KIF18A: variants seen among roughly 807,000 people sequenced by gnomAD.
KIF18A encodes the protein kinesin family member 18A.
In KIF18A, 67 loss-of-function variants were observed where a neutral mutation model predicts 103.3. That is an observed-to-expected ratio of 0.65 (90% CI 0.53 to 0.79). The LOEUF is 0.79. Ranked by LOEUF, KIF18A falls within the 30% of genes least tolerant of loss-of-function variation. The probability of loss-of-function intolerance (pLI) is 0.00; values close to 1 mark genes in which losing one functional copy is unlikely to be tolerated. For missense variants in KIF18A, 1,032 were observed against 1,062.5 expected (o/e 0.97, Z 0.40); for synonymous variants, 367 against 355.5 (o/e 1.03, Z -0.36).
At chr11:28,086,821 G>C (rs1851234631) in intron 6 of KIF18A, among the ~76,000 whole-genome samples, 1 of 152,040 alleles carries the variant, frequency 6.6e-6, no homozygotes, top group Non-Finnish European at 1.5e-5. Flanking sequence ...AAAAATTATA[G>C]ATTAGTTCAT....
chr11:28,059,104 G>T lies in KIF18A; in HGVS notation c.1770C>A (p.Ala590=), dbSNP rs370276338. 1 of 1,613,922 alleles carries T rather than the reference G, an allele frequency of 6.2e-7. No individual in the cohort carries two copies. The highest frequency in any genetic ancestry group is 1.7e-5 in the Admixed American group (1 of 60,012). ...LRKQYCTLKE[A]GLSNAAFESD... The stretch of plus-strand genomic sequence containing the variant: ...ATTCAAAAGCAGCATTTGACAGGCC[G>T]GCTTCTTTTAATGTGCAATATTGTT... Residue 590 remains alanine, a synonymous_variant, in exon 13 of 17, where the codon GCC becomes GCA. Transcript: ENST00000263181.
At chr11:28,026,599 C>T (rs1033943201) in intron 15 of KIF18A, among the ~76,000 whole-genome samples, 7 of 151,662 alleles carry the variant, frequency 4.6e-5, no homozygotes, top group African/African-American at 1.2e-4. Flanking sequence ...CATGTGGAAG[C>T]CCTTTAACTT....
intron 13 of KIF18A, among the ~76,000 whole-genome samples, chr11:28,047,987 T>C (rs1483637879): frequency 6.6e-6 from 1 of 152,156 alleles, no homozygotes; most frequent in Non-Finnish European, 1.5e-5. Context: ...TATGTCTATG[T>C]ATACATGTGT....
Position 28,021,218 on chromosome 11 carries a change from T to G in KIF18A, c.2679A>C (p.Ser893=). The G allele has an allele frequency of 6.6e-7, 1 of 1,509,888 alleles. No homozygotes were observed. The highest frequency in any genetic ancestry group is 8.9e-7 in the Non-Finnish European group (1 of 1,124,392). The allele number at this position is 1,509,888 out of a possible 1,614,324, so 93.5% of individuals were successfully genotyped here. A position where few individuals can be genotyped will look rare whatever the true frequency, so the allele number is the denominator to read the frequency against. ...SMVRKFGRNI[S]KGNLR ...AAGTGATTTATCTTAGATTTCCTTT[T>G]GAAATATTTCTTCCAAATTTTCTAA... is the stretch of plus-strand genomic sequence containing the variant. Residue 893 remains serine, a synonymous_variant, in exon 17 of 17, where the codon TCA becomes TCC. Transcript: ENST00000263181.
intron 1 of KIF18A, among the ~76,000 whole-genome samples, chr11:28,099,460 G>A (rs1333569992): frequency 1.3e-5 from 2 of 152,036 alleles, no homozygotes; most frequent in Non-Finnish European, 2.9e-5. Context: ...CATTTTAAAT[G>A]TTCTCACAAC....
chr11:28,033,701 A>G (rs1416656969), intron 15 of KIF18A, among the ~76,000 whole-genome samples: 2 of 151,700 alleles, frequency 1.3e-5, no homozygotes, highest in Non-Finnish European at 2.9e-5. Flanking sequence ...GATGGTTACC[A>G]GAGGCTGGGA....
chr11:28,036,545 C>T lies in KIF18A; in HGVS notation c.2068G>A (p.Val690Met). 6.2e-7 allele frequency: 1 copy of T among 1,611,150 alleles called. No homozygotes were observed. ...TTGCTAAGAGAATCATTGAGCTGCA[C>T]ACTTTGAGATGGTGGAGACTTTAGA... ...HTLKSPPSQS[V>M]QLNDSLSKEL... Residue 690 changes from valine to methionine, a missense_variant, in exon 14 of 17, where the codon GTG becomes ATG. Physicochemically the swap from Val to Met is conservative, Grantham distance 21. Coordinates refer to ENST00000263181, the MANE Select transcript of KIF18A (RefSeq NM_031217.4).
intron 11 of KIF18A, among the ~76,000 whole-genome samples, chr11:28,065,957 AATTTT>A (rs1215644227): frequency 6.6e-6 from 1 of 152,034 alleles, no homozygotes; most frequent in Non-Finnish European, 1.5e-5. Flanking sequence ...TAAGATGGTA[AATTTT>A]ATTTTATATT....
intron 11 of KIF18A, 39 bp from the exon 12 acceptor site, chr11:28,062,555 A>G: frequency 6.7e-7 from 1 of 1,500,158 alleles, no homozygotes; most frequent in Non-Finnish European, 9.0e-7. Flanking sequence ...AGATCACTCT[A>G]AGAATATTGA....
chr11:28,105,743 G>T lies in KIF18A; in HGVS notation c.-47+2321C>A, dbSNP rs111832270. 6.6e-4 allele frequency among the ~76,000 whole-genome samples: 100 copies of T among 152,254 alleles called. 1 individual carries two copies. Among genetic ancestry groups the T allele is most frequent in the African/African-American group, 2.3e-3 (96 of 41,534 alleles). ...TTCTCTGTACTTGTCAGATATCACAGAGTGGCCATTCTCAATAAGTATGCT... is the reference window on the plus strand; with the variant it reads ...TTCTCTGTACTTGTCAGATATCACATAGTGGCCATTCTCAATAAGTATGCT... On this transcript the variant is annotated intron_variant, in intron 1 of 16. Coordinates refer to ENST00000263181, the MANE Select transcript of KIF18A (RefSeq NM_031217.4).
At chr11:28,092,107 G>A (rs907112366) in intron 3 of KIF18A, among the ~76,000 whole-genome samples, 3 of 152,122 alleles carry the variant, frequency 2.0e-5, no homozygotes, top group African/African-American at 7.2e-5. Flanking sequence ...GAGCCACCGC[G>A]CCCGGCCCAT....
At chr11:28,095,301 C>T (rs1188256245) in intron 2 of KIF18A, among the ~76,000 whole-genome samples, 4 of 152,334 alleles carry the variant, frequency 2.6e-5, no homozygotes, top group Middle Eastern at 3.4e-3. Flanking sequence ...GCATTTGCTG[C>T]TCCTTTCTAC....
intron 15 of KIF18A, among the ~76,000 whole-genome samples, chr11:28,024,189 G>GT (rs1345017289): frequency 1.3e-5 from 1 of 78,592 alleles, no homozygotes; most frequent in Non-Finnish European, 2.6e-5. Context: ...GTCACAAGAG[G>GT]TTAAAAAAAA....
chr11:28,027,608 T>C (rs756350354), intron 15 of KIF18A, among the ~76,000 whole-genome samples: 1 of 151,950 alleles, frequency 6.6e-6, no homozygotes, highest in Non-Finnish European at 1.5e-5. Flanking sequence ...TTTATCATAC[T>C]GCACATCAGT....
At chr11:28,062,573 T>A in intron 11 of KIF18A, 57 bp from the exon 12 acceptor site, 1 of 1,348,022 alleles carries the variant, frequency 7.4e-7, no homozygotes, top group South Asian at 1.7e-5. Flanking sequence ...TGAAATTAAA[T>A]CAGTTTAATA....
In KIF18A at chr11:28,077,137, T is replaced by A. The variant is rs1174666229; in HGVS notation, c.1295A>T (p.Asn432Ile). ...FQEILNCLFQ[N>I]REEIRQEYLK... ...ATATTCTTGTCTAATTTCTTCTCGA[T>A]TCTGGAACAAGCAGTTCAGGATTTC... Residue 432 changes from asparagine to isoleucine, a missense_variant, in exon 10 of 17, where the codon AAT (asparagine) becomes ATT (isoleucine). Physicochemically the swap from Asn to Ile is moderately radical, Grantham distance 149 (BLOSUM62 -3). Transcript: ENST00000263181. 1.3e-6 allele frequency: 2 copies of A among 1,577,970 alleles called. No homozygotes were observed.
intron 9 of KIF18A, among the ~76,000 whole-genome samples, 199 bp downstream of exon 9, chr11:28,082,657 T>G (rs1851179712): frequency 6.6e-6 from 1 of 152,114 alleles, no homozygotes; most frequent in African/African-American, 2.4e-5. Flanking sequence ...TTTATTGCAG[T>G]GGTCTGGAGA....
chr11:28,102,939 T>C (rs1489946520), intron 1 of KIF18A, among the ~76,000 whole-genome samples: 4 of 152,192 alleles, frequency 2.6e-5, no homozygotes, highest in Admixed American at 2.0e-4. Context: ...TCTTCAACCA[T>C]GTTTAATATG....
At chr11:28,097,428 A>T in intron 2 of KIF18A, 195 bp downstream of exon 2, 1 of 557,566 alleles carries the variant, frequency 1.8e-6, no homozygotes, top group Non-Finnish European at 3.2e-6. Flanking sequence ...AAGGTTTACA[A>T]ATGATGTATA....
Sources: gnomAD v4.1 joint callset for allele counts (sites outside exome capture counted in the v4.1 genomes callset) on GRCh38, gnomAD v4.1.1 for gene constraint, MANE v1.5 for transcripts, NCBI Gene and HGNC (gene_info 2026-07-23, HGNC 2026-07-21) for gene names.